PLAUR: variants seen among roughly 807,000 people sequenced by gnomAD.
The protein encoded by PLAUR is plasminogen activator, urokinase receptor, also known as urokinase plasminogen activator surface receptor.
PLAUR carries 22 observed loss-of-function variants against 33.4 expected under a neutral mutation model. The observed-to-expected ratio is 0.66, with a 90% CI of 0.47 to 0.94. The LOEUF (loss-of-function observed/expected upper bound fraction) is 0.94. Among genes scored for constraint, PLAUR ranks in the 40% least tolerant of loss-of-function variants. The pLI is 0.00. For missense variants in PLAUR, 408 were observed against 434.7 expected, an observed-to-expected ratio of 0.94 and a Z score of 0.55; for synonymous variants, 148 against 167.3, an observed-to-expected ratio of 0.88 and a Z score of 0.89.
Position 43,670,111 on chromosome 19 carries a change from G to A in PLAUR, c.10C>T (p.Pro4Ser). The A allele has an allele frequency of 6.2e-7, 1 of 1,610,754 alleles. No homozygotes were observed. Among genetic ancestry groups the A allele is most frequent in the Non-Finnish European group, 8.5e-7 (1 of 1,177,902 alleles). ...AGCAGCAGCAGCGGCAGCAGCGGCG[G>A]GTGACCCATGTCGCGAGGGCAGCTC... MGH[P>S]PLLPLLLLLH... Residue 4 changes from proline (P) to serine (S), a missense_variant, in exon 1 of 7, where the codon CCG (proline) becomes TCG (serine). Coordinates refer to ENST00000340093, the MANE Select transcript of PLAUR (RefSeq NM_002659.4).
Position 43,648,800 on chromosome 19 carries a change from G to T in PLAUR, c.*90C>A. ...CAGAGAGGTCGGCACACTGGCCTGA[G>T]GTCACACAGCAAGTCTGTAGGGCTG... On this transcript the variant is annotated 3_prime_UTR_variant, in exon 7 of 7. Coordinates refer to ENST00000340093, the MANE Select transcript of PLAUR (RefSeq NM_002659.4). The T allele has an allele frequency of 7.2e-7, 1 of 1,380,028 alleles. No homozygotes were observed. The allele number at this position is 1,380,028 out of a possible 1,614,324, so 85.5% of individuals were successfully genotyped here.
At chr19:43,646,212 T>A (rs1973824003), downstream of PLAUR, 3 of 415,530 alleles carry the variant, frequency 7.2e-6, no homozygotes, top group Admixed American at 4.0e-5. Flanking sequence ...GTGCTAGGAC[T>A]ACAGGCATGA....
rs1055383623 is a variant in PLAUR, at chr19:43,667,414, G to C, written c.166+167C>G. 10 of 617,770 alleles carry C rather than the reference G, an allele frequency of 1.6e-5. No individual in the cohort carries two copies. In the African/African-American group the frequency reaches 1.8e-4, roughly 11 times the overall value. The allele number at this position is 617,770 out of a possible 1,614,324, so 38.3% of individuals were successfully genotyped here. A position where few individuals can be genotyped will look rare whatever the true frequency, so the allele number is the denominator to read the frequency against. On this transcript the variant is annotated intron_variant, in intron 2 of 6. Transcript: ENST00000340093. ...TGCAACTCCACATCCTTACTAACCC[G>C]GGTATTGTCAGATTTTTAAATGCTT...
At chr19:43,657,692 G>A (rs1974270788) in intron 3 of PLAUR, among the ~76,000 whole-genome samples, 1 of 152,210 alleles carries the variant, frequency 6.6e-6, no homozygotes, top group South Asian at 2.1e-4. Flanking sequence ...CTACTGGACT[G>A]TGAGCCCCCA....
intron 3 of PLAUR, among the ~76,000 whole-genome samples, chr19:43,660,332 A>ATT (rs58331143): frequency 8.3e-5 from 12 of 144,908 alleles, no homozygotes; most frequent in African/African-American, 2.3e-4. Context: ...TACCCGGCTA[A>ATT]TTTTTTTTTT....
chr19:43,655,645 T>A (rs1833931185), intron 4 of PLAUR, 72 bp from the exon 5 acceptor site: 1 of 1,391,570 alleles, frequency 7.2e-7, no homozygotes, highest in Admixed American at 2.1e-5. Flanking sequence ...TTGCCCGAAA[T>A]AGCAGGCATT....
chr19:43,649,290 C>T, intron 6 of PLAUR, 147 bp from the exon 7 acceptor site: 1 of 886,534 alleles, frequency 1.1e-6, no homozygotes, highest in South Asian at 1.7e-5. Context: ...TGTGGTGGCT[C>T]ATGCCTGTAA....
chr19:43,667,415 G>A (rs1967302754), intron 2 of PLAUR, 166 bp downstream of exon 2: 3 of 619,684 alleles, frequency 4.8e-6, no homozygotes, highest in Non-Finnish European at 8.7e-6. Flanking sequence ...TACTAACCCG[G>A]GTATTGTCAG....
At chr19:43,668,375 G>A (rs748608943) in intron 1 of PLAUR, 105 of 910,762 alleles carry the variant, frequency 1.2e-4, no homozygotes, top group Non-Finnish European at 1.4e-4. Flanking sequence ...CCGCCCTTTA[G>A]CTCTTCCTGA....
Position 43,648,664 on chromosome 19 carries a change from T to C in PLAUR, c.*226A>G. 1.3e-6 allele frequency: 1 copy of C among 766,532 alleles called. No individual in the cohort carries two copies. The highest frequency in any genetic ancestry group is 1.9e-6 in the Non-Finnish European group (1 of 534,238). 47.5% of individuals were successfully genotyped at this position (766,532 alleles called of 1,614,324 possible). On this transcript the variant is annotated 3_prime_UTR_variant, in exon 7 of 7. Coordinates refer to ENST00000340093, the MANE Select transcript of PLAUR (RefSeq NM_002659.4). ...CAACAACACAACAGCGGCAACAATA[T>C]TAATAATAACAAGAGCTCTCCCATT... is the stretch of plus-strand genomic sequence containing the variant.
At position 43,656,504 on chromosome 19, in the gene PLAUR, G is replaced by A. The variant is rs1974216087; in HGVS notation, c.447C>T (p.Thr149=). The change falls in exon 4 of 7, where the codon ACC becomes ACT. Residue 149 remains threonine, a synonymous_variant. Coordinates refer to ENST00000340093, the MANE Select transcript of PLAUR (RefSeq NM_002659.4). ...SPEEQCLDVV[T]HWIQEGEEGR... ...CTTCTTCACCTTCCTGGATCCAGTGGGTCACCACATCCAGGCACTGTTCTT... is the reference window on the plus strand; with the variant it reads ...CTTCTTCACCTTCCTGGATCCAGTGAGTCACCACATCCAGGCACTGTTCTT... 1 of 1,601,308 alleles carries A rather than the reference G, an allele frequency of 6.2e-7. No individual in the cohort carries two copies. Among genetic ancestry groups the A allele is most frequent in the Middle Eastern group, 1.7e-4 (1 of 6,004 alleles).
intron 5 of PLAUR, among the ~76,000 whole-genome samples, chr19:43,655,131 G>T (rs1974149641): frequency 6.6e-6 from 1 of 152,030 alleles, no homozygotes; most frequent in Admixed American, 6.6e-5. Context: ...AGAAAAATTA[G>T]CCAGGGGTGA....
At chr19:43,663,870 A>G (rs558458252) in intron 3 of PLAUR, among the ~76,000 whole-genome samples, 1 of 151,988 alleles carries the variant, frequency 6.6e-6, no homozygotes, top group East Asian at 1.9e-4. Flanking sequence ...GGGATGATAT[A>G]GGTATCTCAG....
rs1159359940 is a variant in PLAUR at position 43,656,864 on chromosome 19, C to A, written c.311-224G>T. 1.1e-4 allele frequency: 43 copies of A among 402,550 alleles called. No individual in the cohort carries two copies. In the Admixed American group the frequency reaches 1.8e-3, roughly 17 times the overall value. 24.9% of individuals were successfully genotyped at this position (402,550 alleles called of 1,614,324 possible). On this transcript the variant is annotated intron_variant, in intron 3 of 6. Coordinates refer to ENST00000340093, the MANE Select transcript of PLAUR (RefSeq NM_002659.4). The stretch of plus-strand genomic sequence containing the variant: ...CCTTCAACTCCAGCTACCTCCCTAG[C>A]CTCTGGGTTTCCATTCTTGTCACCC...
chr19:43,655,403 C>G, intron 5 of PLAUR, 36 bp downstream of exon 5: 1 of 1,608,958 alleles, frequency 6.2e-7, no homozygotes, highest in East Asian at 2.2e-5. Flanking sequence ...TGCCCCTGCC[C>G]GACCCCAGGC....
At chr19:43,666,922 G>A (rs1967280344) in intron 2 of PLAUR, among the ~76,000 whole-genome samples, 1 of 151,408 alleles carries the variant, frequency 6.6e-6, no homozygotes, top group South Asian at 2.1e-4. Context: ...TGTCGCCCAG[G>A]CTGGAGTGCA....
intron 6 of PLAUR, chr19:43,651,636 A>G (rs569765562): frequency 1.0e-4 from 19 of 188,614 alleles, no homozygotes; most frequent in Non-Finnish European, 1.8e-4. Context: ...GGGTTTCACC[A>G]TGGTGGCCAG....
At chr19:43,660,797 G>T (rs941356097) in intron 3 of PLAUR, 1 of 151,570 alleles carries the variant, frequency 6.6e-6, no homozygotes, top group African/African-American at 2.4e-5. Context: ...ATTTTGATCA[G>T]ACGCCAGACA....
rs1047528399 is a variant in PLAUR, at chr19:43,668,253, T to C, written c.56-562A>G. On this transcript the variant is annotated intron_variant, in intron 1 of 6. Transcript: ENST00000340093. ...ATTCTAGGCCCGGCCCCATCAGCCC[T>C]CCGGAGTTTCTATTGTTAGATACTC... 8 of 987,002 alleles carry C rather than the reference T, an allele frequency of 8.1e-6. No individual in the cohort carries two copies. The African/African-American group carries it at 1.2e-4, about 15-fold the overall frequency. The allele number at this position is 987,002 out of a possible 1,614,324, so 61.1% of individuals were successfully genotyped here.
Sources: gnomAD v4.1 joint callset for allele counts (sites outside exome capture counted in the v4.1 genomes callset) on GRCh38, gnomAD v4.1.1 for gene constraint, MANE v1.5 for transcripts, NCBI Gene and HGNC (gene_info 2026-07-23, HGNC 2026-07-21) for gene names.